Variants in EVA1C observed in about 807,000 individuals in gnomAD.
EVA1C encodes eva-1 homolog C.
EVA1C carries 25 observed loss-of-function variants against 45.4 expected under a neutral mutation model. The observed-to-expected ratio is 0.55, with a 90% confidence interval of 0.40 to 0.77. The LOEUF is 0.77. Among genes scored for constraint, EVA1C ranks in the 30% least tolerant of loss-of-function variants. The pLI is 0.00. For missense variants in EVA1C, 479 were observed against 554.8 expected (o/e 0.86, Z 1.37); for synonymous variants, 190 against 221.2 (o/e 0.86, Z 1.25).
At chr21:32,497,114 C>T (rs2037377469) in intron 5 of EVA1C, 1 of 840,688 alleles carries the variant, frequency 1.2e-6, no homozygotes, top group Non-Finnish European at 2.1e-6. Context: ...CATTAGAAAG[C>T]TGTTAGCTCC....
intron 2 of EVA1C, among the ~76,000 whole-genome samples, chr21:32,457,231 C>G (rs142246553): frequency 6.6e-6 from 1 of 152,138 alleles, no homozygotes; most frequent in Non-Finnish European, 1.5e-5. Flanking sequence ...GGACCCCGCT[C>G]GAAGGGGACC....
In EVA1C at chr21:32,474,384, C is replaced by T. The variant is rs1286407149; in HGVS notation, c.634+6536C>T. 6.6e-6 allele frequency among the ~76,000 whole-genome samples: 1 copy of T among 152,206 alleles called. No homozygotes were observed. Among genetic ancestry groups the T allele is most frequent in the Non-Finnish European group, 1.5e-5 (1 of 68,046 alleles). ...TTATTCATACCCCTGGGCCTTTGCA[C>T]AAGCTGTCCCTTTGACCTGGACTGT... is the stretch of plus-strand genomic sequence containing the variant. On this transcript the variant is annotated intron_variant, in intron 4 of 7. Transcript: ENST00000300255. This position sits in a 1 kb window ranked among gnomAD's most constrained non-coding sequence, Gnocchi z 4.4.
rs144503319 is a variant in EVA1C, at chr21:32,414,891, G to A, written c.160+1878G>A. On this transcript the variant is annotated intron_variant, in intron 1 of 7. Transcript: ENST00000300255. ...TCAGAAGCCTTTTGGGGAGAAGAAA[G>A]GAAATATAATGTCCTCCCAAACCAC... 4.6e-3 allele frequency among the ~76,000 whole-genome samples: 694 copies of A among 152,150 alleles called. 9 individuals are homozygous for A. Among genetic ancestry groups the A allele is most frequent in the Admixed American group, 0.026 (405 of 15,294 alleles).
At chr21:32,475,391 C>T (rs890407253) in intron 4 of EVA1C, among the ~76,000 whole-genome samples, 2 of 151,766 alleles carry the variant, frequency 1.3e-5, no homozygotes, top group Non-Finnish European at 2.9e-5. Flanking sequence ...TGCACAAACA[C>T]CATCATAATA....
chr21:32,506,130 T>C lies in EVA1C; in HGVS notation c.949+2115T>C, dbSNP rs1325185736. Among the ~76,000 whole-genome samples, 5 of 151,638 alleles carry C rather than the reference T, an allele frequency of 3.3e-5. No homozygotes were observed. In the East Asian group the frequency reaches 7.7e-4, roughly 23 times the overall value. On this transcript the variant is annotated intron_variant, in intron 7 of 7. Coordinates refer to ENST00000300255, the MANE Select transcript of EVA1C (RefSeq NM_058187.5). ...CATCTCTTTCTATCCTTTTATGTGATTGTCATTCCCAGAAACCACAGGATA... is the reference window on the plus strand; with the variant it reads ...CATCTCTTTCTATCCTTTTATGTGACTGTCATTCCCAGAAACCACAGGATA...
chr21:32,471,769 C>T (rs970960774), intron 4 of EVA1C, among the ~76,000 whole-genome samples: 4 of 152,002 alleles, frequency 2.6e-5, no homozygotes, highest in Non-Finnish European at 5.9e-5. Context: ...ACTCGAACTA[C>T]AGGTGCCCGC....
chr21:32,437,608 C>A (rs1361397668), intron 1 of EVA1C, among the ~76,000 whole-genome samples: 1 of 152,194 alleles, frequency 6.6e-6, no homozygotes, highest in Non-Finnish European at 1.5e-5. Flanking sequence ...CTCTGCTGAT[C>A]CTGGAGAAGC....
At chr21:32,437,938 G>A (rs775167562) in intron 1 of EVA1C, among the ~76,000 whole-genome samples, 9 of 152,292 alleles carry the variant, frequency 5.9e-5, no homozygotes, top group Middle Eastern at 3.4e-3. Flanking sequence ...GACTCTAAGA[G>A]CCAAGCTATC....
At chr21:32,469,465 G>T (rs1443421673) in intron 4 of EVA1C, among the ~76,000 whole-genome samples, 1 of 152,212 alleles carries the variant, frequency 6.6e-6, no homozygotes, top group Non-Finnish European at 1.5e-5. Context: ...TCAGTGCTAA[G>T]AAGGGCTCTG....
chr21:32,418,756 GA>G (rs11338845), intron 1 of EVA1C, among the ~76,000 whole-genome samples: 64,681 of 151,304 alleles, frequency 0.43, 15,790 homozygotes, highest in African/African-American at 0.67. Flanking sequence ...AGCAAGGCCA[GA>G]AAAAAAAAGT....
At chr21:32,472,913 T>G (rs1365339531) in intron 4 of EVA1C, among the ~76,000 whole-genome samples, 3 of 152,174 alleles carry the variant, frequency 2.0e-5, no homozygotes, top group African/African-American at 7.2e-5. Context: ...TTGCCCTTGG[T>G]GTACGTGCAA....
intron 7 of EVA1C, among the ~76,000 whole-genome samples, chr21:32,513,514 T>C (rs2146483839): frequency 6.8e-6 from 1 of 146,862 alleles, no homozygotes; most frequent in African/African-American, 2.5e-5. Flanking sequence ...ATAAATAATA[T>C]ACATATTTAT....
intron 4 of EVA1C, among the ~76,000 whole-genome samples, chr21:32,491,731 C>A (rs1052007748): frequency 1.4e-5 from 2 of 142,604 alleles, no homozygotes; most frequent in Non-Finnish European, 3.0e-5. Flanking sequence ...AAAGAGAGAA[C>A]CATTTGAAGG....
At chr21:32,488,625 G>A (rs140616995) in intron 4 of EVA1C, among the ~76,000 whole-genome samples, 2,350 of 147,682 alleles carry the variant, frequency 0.016, 21 homozygotes, top group Non-Finnish European at 0.025. Context: ...TTGCTCTGTT[G>A]CCCAGGCTGG....
At chr21:32,435,250 C>T (rs2034897291) in intron 1 of EVA1C, among the ~76,000 whole-genome samples, 1 of 152,042 alleles carries the variant, frequency 6.6e-6, no homozygotes, top group Admixed American at 6.6e-5. Context: ...AATGGGGTCT[C>T]GCTATGTTGT....
At chr21:32,501,586 G>A in intron 6 of EVA1C, 91 bp downstream of exon 6, 1 of 1,527,358 alleles carries the variant, frequency 6.5e-7, no homozygotes, top group South Asian at 1.3e-5. Flanking sequence ...TGGTTAGAAT[G>A]GAAGGGGCTG....
rs531696451 is a variant in EVA1C, at chr21:32,412,970, C to T, written c.117C>T (p.Val39=). 504 of 1,529,660 alleles carry T rather than the reference C, an allele frequency of 3.3e-4. 6 individuals carry two copies. In the South Asian group the frequency reaches 5.9e-3, roughly 18 times the overall value. 94.8% of individuals were successfully genotyped at this position (1,529,660 alleles called of 1,614,324 possible). A position where few individuals can be genotyped will look rare whatever the true frequency, so the allele number is the denominator to read the frequency against. Residue 39 remains valine (V), a synonymous_variant, in exon 1 of 8, where the codon GTC becomes GTT. Transcript: ENST00000300255. Reference sequence around the variant, plus strand: ...TCCTGCGCCTCTTCTACTGCACTGTCCTGGTCTGCTCCAAAGAGATCTCAG... The same window carrying T: ...TCCTGCGCCTCTTCTACTGCACTGTTCTGGTCTGCTCCAAAGAGATCTCAG... ...GQLLRLFYCT[V]LVCSKEISAL...
intron 1 of EVA1C, among the ~76,000 whole-genome samples, chr21:32,431,073 A>G (rs2034684264): frequency 6.6e-6 from 1 of 151,974 alleles, no homozygotes; most frequent in African/African-American, 2.4e-5. Flanking sequence ...GGTCCCTCCC[A>G]CAACATGTGG....
intron 1 of EVA1C, among the ~76,000 whole-genome samples, chr21:32,443,624 T>C (rs1191476605): frequency 6.6e-6 from 1 of 152,144 alleles, no homozygotes; most frequent in Non-Finnish European, 1.5e-5. Context: ...AAAAAAAAGA[T>C]GCTTATGCCC....
Sources: allele counts gnomAD v4.1 joint callset (sites outside exome capture counted in the v4.1 genomes callset), GRCh38; gene constraint gnomAD v4.1.1; non-coding constraint Gnocchi (gnomAD v3.1); transcripts MANE v1.5; gene names NCBI Gene and HGNC (gene_info 2026-07-23, HGNC 2026-07-21).